The following HSD17B2 variants were observed in gnomAD, a reference collection of about 807,000 sequenced individuals.
HSD17B2 encodes the protein 17-beta-hydroxysteroid dehydrogenase type 2.
In HSD17B2, 32 loss-of-function variants were observed where a neutral mutation model predicts 26.9. That is an observed-to-expected ratio of 1.19 (90% CI 0.90 to 1.60). The LOEUF is 1.60. Among genes scored for constraint, HSD17B2 ranks in the 40% most tolerant of loss-of-function variants. The probability of loss-of-function intolerance (pLI) is 0.00; values close to 1 mark genes in which losing one functional copy is unlikely to be tolerated. For synonymous variants in HSD17B2, 246 were observed against 186.7 expected (o/e 1.32, Z -2.59); for missense variants, 613 against 468.6 (o/e 1.31, Z -2.85).
chr16:82,069,757 T>C (rs142412557), intron 2 of HSD17B2, among the ~76,000 whole-genome samples: 1 of 152,298 alleles, frequency 6.6e-6, no homozygotes, highest in Admixed American at 6.5e-5. Flanking sequence ...TGTAACTAAC[T>C]TGGCAGACCC....
intron 1 of HSD17B2, among the ~76,000 whole-genome samples, chr16:82,047,676 T>C (rs1195813963): frequency 1.3e-5 from 2 of 152,210 alleles, no homozygotes; most frequent in Non-Finnish European, 2.9e-5. Flanking sequence ...GGAAGCCCTG[T>C]AGGACTTGCT....
intron 1 of HSD17B2, among the ~76,000 whole-genome samples, chr16:82,054,789 A>C (rs1293036730): frequency 6.6e-6 from 1 of 152,208 alleles, no homozygotes; most frequent in Non-Finnish European, 1.5e-5. Flanking sequence ...TTTAGCAGAA[A>C]GGGAAGGGTG....
intron 3 of HSD17B2, among the ~76,000 whole-genome samples, chr16:82,080,480 G>A (rs1486370775): frequency 6.6e-6 from 1 of 152,196 alleles, no homozygotes; most frequent in Non-Finnish European, 1.5e-5. Context: ...AATGCAGGTG[G>A]CTTCTAGAAG....
chr16:82,045,559 A>G (rs1463313724), intron 1 of HSD17B2, among the ~76,000 whole-genome samples: 4 of 152,230 alleles, frequency 2.6e-5, no homozygotes, highest in Non-Finnish European at 4.4e-5. Context: ...TCCCCTTGGC[A>G]AAGGAGACAA....
intron 1 of HSD17B2, among the ~76,000 whole-genome samples, chr16:82,050,690 A>G (rs1331738171): frequency 6.6e-6 from 1 of 151,918 alleles, no homozygotes; most frequent in East Asian, 1.9e-4. Flanking sequence ...AAGTCTTTCC[A>G]TTTACTGTTC....
chr16:82,082,770 GTTA>G (rs1328089159), intron 3 of HSD17B2, among the ~76,000 whole-genome samples: 4 of 152,320 alleles, frequency 2.6e-5, no homozygotes, highest in Non-Finnish European at 5.9e-5. Flanking sequence ...AACATTAAGA[GTTA>G]TTATGAAGGA....
chr16:82,042,991 A>G (rs937066142), intron 1 of HSD17B2, among the ~76,000 whole-genome samples: 1 of 152,202 alleles, frequency 6.6e-6, no homozygotes, highest in Admixed American at 6.5e-5. Flanking sequence ...TTAGCTTCCA[A>G]CTTCTGCTCT....
At chr16:82,073,324 A>C (rs983770070) in intron 3 of HSD17B2, among the ~76,000 whole-genome samples, 5 of 151,678 alleles carry the variant, frequency 3.3e-5, no homozygotes, top group Non-Finnish European at 7.4e-5. Flanking sequence ...TCCCGGGTTC[A>C]CGCCATTCTC....
chr16:82,078,083 G>C (rs1266962465), intron 3 of HSD17B2, among the ~76,000 whole-genome samples: 3 of 152,144 alleles, frequency 2.0e-5, no homozygotes. Context: ...AATCAACAAA[G>C]TGAAGAGACA....
chr16:82,098,059 T>A lies in HSD17B2; in HGVS notation c.803-16T>A. 6.3e-7 allele frequency: 1 copy of A among 1,597,356 alleles called. No homozygotes were observed. Among genetic ancestry groups the A allele is most frequent in the African/African-American group, 1.3e-5 (1 of 74,860 alleles). On this transcript the variant is annotated splice_polypyrimidine_tract_variant and intron_variant, in intron 4 of 4. Transcript: ENST00000199936. ...GCCTTCCCAGGATCTGACTCTTCCC[T>A]TTCCTTTCACCCCAGATATCGCAGG... is the stretch of plus-strand genomic sequence containing the variant.
chr16:82,038,863 G>T (rs1445920713), intron 1 of HSD17B2, among the ~76,000 whole-genome samples: 1 of 152,140 alleles, frequency 6.6e-6, no homozygotes, highest in Non-Finnish European at 1.5e-5. Flanking sequence ...GGGTGGTGTG[G>T]ATCACTCATC....
In HSD17B2 at chr16:82,053,398, T is replaced by C. The variant is rs563074756; in HGVS notation, c.266-14772T>C. The stretch of plus-strand genomic sequence containing the variant: ...ATGAAAAGAGAAGATCGAAATATCA[T>C]CATTTTTCATTCTCCCGAGTTTTAA... On this transcript the variant is annotated intron_variant, in intron 1 of 4. Transcript: ENST00000199936. Among the ~76,000 whole-genome samples the C allele has an allele frequency of 5.3e-5, 8 of 152,302 alleles. No homozygotes were observed. In the South Asian group the frequency reaches 1.7e-3, roughly 32 times the overall value.
chr16:82,055,737 G>A (rs1431225978), intron 1 of HSD17B2, among the ~76,000 whole-genome samples: 1 of 152,178 alleles, frequency 6.6e-6, no homozygotes, highest in East Asian at 1.9e-4. Flanking sequence ...GAGAGATGTG[G>A]TAAGAATGGA....
intron 2 of HSD17B2, 159 bp from the exon 3 acceptor site, chr16:82,070,783 C>T: frequency 1.6e-6 from 1 of 627,504 alleles, no homozygotes; most frequent in Non-Finnish European, 2.8e-6. Context: ...ACTCCCACTC[C>T]CTTTCCCTAA....
chr16:82,092,286 G>C (rs1380512958), intron 4 of HSD17B2: 1 of 152,018 alleles, frequency 6.6e-6, no homozygotes, highest in Non-Finnish European at 1.5e-5. Context: ...CACCCCAAGA[G>C]GAGAAGGCCC....
intron 1 of HSD17B2, among the ~76,000 whole-genome samples, chr16:82,055,146 G>A (rs1241954974): frequency 6.6e-6 from 1 of 152,208 alleles, no homozygotes; most frequent in Non-Finnish European, 1.5e-5. Context: ...CACATGGACT[G>A]GCCTTGAACT....
At chr16:82,084,313 A>C (rs1267025757) in intron 3 of HSD17B2, among the ~76,000 whole-genome samples, 1 of 152,122 alleles carries the variant, frequency 6.6e-6, no homozygotes, top group Non-Finnish European at 1.5e-5. Flanking sequence ...TCCTTGACCC[A>C]CTAGATAATA....
chr16:82,036,320 TTGTGTGTGTGTGTGTGTG>T (rs10609893), intron 1 of HSD17B2, among the ~76,000 whole-genome samples: 1 of 145,782 alleles, frequency 6.9e-6, no homozygotes, highest in Non-Finnish European at 1.5e-5. Context: ...TTTCCCTTGT[TTGTGTGTGTGTGTGTGTG>T]TGTGTGTGTG....
At position 82,068,275 on chromosome 16, in the gene HSD17B2, T is replaced by C. The variant is rs1310047617; in HGVS notation, c.371T>C (p.Leu124Ser). ...GAAAATGGCCCAGGAGCTGAGGAAT[T>C]GCGAAGAACCTGCTCTCCGCGCCTC... is the stretch of plus-strand genomic sequence containing the variant. ...LNENGPGAEE[L>S]RRTCSPRLSV... Residue 124 changes from leucine (L) to serine (S), a missense_variant, in exon 2 of 5, where the codon TTG (leucine) becomes TCG (serine). By Grantham distance (145) the Leu-to-Ser change is moderately radical. Transcript: ENST00000199936. 6.2e-7 allele frequency: 1 copy of C among 1,613,650 alleles called. No homozygotes were observed. The highest frequency in any genetic ancestry group is 8.5e-7 in the Non-Finnish European group (1 of 1,179,988).
Sources: allele counts gnomAD v4.1 joint callset (sites outside exome capture counted in the v4.1 genomes callset), GRCh38; gene constraint gnomAD v4.1.1; transcripts MANE v1.5; gene names NCBI Gene and HGNC (gene_info 2026-07-23, HGNC 2026-07-21).